DNAI3: variants seen among roughly 807,000 people sequenced by gnomAD.
DNAI3 encodes the protein dynein axonemal intermediate chain 3.
A neutral mutation model predicts 115.5 loss-of-function variants in DNAI3; 83 were observed. The ratio of observed to expected loss-of-function variants is 0.72; its 90% CI spans 0.60 to 0.86. The LOEUF (loss-of-function observed/expected upper bound fraction) is 0.86. Among genes scored for constraint, DNAI3 ranks in the 40% least tolerant of loss-of-function variants. DNAI3 has a pLI of 0.00. For synonymous variants in DNAI3, 320 were observed against 347.0 expected, an observed-to-expected ratio of 0.92 and a Z score of 0.86; for missense variants, 1,004 against 1,075.8, an observed-to-expected ratio of 0.93 and a Z score of 0.93.
Position 85,104,542 on chromosome 1 carries a change from G to T in DNAI3, c.1498G>T (p.Val500Phe). ...AAAATAGATTAACAGAATGGGCTCC[G>T]TCTTTGAGAATCGAAGTGGAATATG... is the stretch of plus-strand genomic sequence containing the variant. ...DTFEINRMGSVFENRSGICCQ... is the reference protein window; with the variant it reads ...DTFEINRMGSFFENRSGICCQ... The change falls in exon 14 of 23, where the codon GTC becomes TTC. Residue 500 changes from valine (V) to phenylalanine (F), a missense_variant. Physicochemically the swap from Val to Phe is conservative, Grantham distance 50 (BLOSUM62 -1). This residue lies in a region of DNAI3 where 25 missense variants were observed against 53.4 expected (regional missense o/e 0.47). Transcript: ENST00000294664. 1 of 1,613,794 alleles carries T rather than the reference G, an allele frequency of 6.2e-7. No individual in the cohort carries two copies. The highest frequency in any genetic ancestry group is 1.1e-5 in the South Asian group (1 of 91,036).
intron 3 of DNAI3, among the ~76,000 whole-genome samples, chr1:85,074,175 T>C (rs1258678661): frequency 2.0e-5 from 3 of 152,190 alleles, no homozygotes; most frequent in Non-Finnish European, 2.9e-5. Flanking sequence ...TCTTCCCACC[T>C]GCAACCTTAG....
chr1:85,081,028 T>C (rs1654619165), intron 3 of DNAI3, among the ~76,000 whole-genome samples: 1 of 152,186 alleles, frequency 6.6e-6, no homozygotes. Flanking sequence ...GGTAGTATTA[T>C]GGGCCATTGT....
In DNAI3 at chr1:85,080,073, A is replaced by G. The variant is rs1223537987; in HGVS notation, c.104-1161A>G. ...TTTTTTTTTTTTTTTTTTTTTTGAG[A>G]CAGAGTCTCCCTCTGTTGTCCAGGC... On this transcript the variant is annotated intron_variant, in intron 3 of 22. Transcript: ENST00000294664. Among the ~76,000 whole-genome samples, 5 of 104,068 alleles carry G rather than the reference A, an allele frequency of 4.8e-5. No individual in the cohort carries two copies. The Admixed American group carries it at 6.8e-4, about 14-fold the overall frequency. The allele number at this position is 104,068 out of a possible 152,430, so 68.3% of individuals were successfully genotyped here.
chr1:85,100,696 C>CA (rs1386665289), intron 13 of DNAI3, among the ~76,000 whole-genome samples: 1 of 152,168 alleles, frequency 6.6e-6, no homozygotes, highest in Non-Finnish European at 1.5e-5. Flanking sequence ...CGGCACTATT[C>CA]ACAATAGCAA....
chr1:85,081,200 A>G (rs376295922), intron 3 of DNAI3, 34 bp from the exon 4 acceptor site: 14 of 1,512,640 alleles, frequency 9.3e-6, no homozygotes, highest in Middle Eastern at 1.9e-4. Context: ...AAGTGGTCAT[A>G]TTTAATGTCC....
At position 85,094,601 on chromosome 1, in the gene DNAI3, C is replaced by T. The variant is rs547996501; in HGVS notation, c.1173+46C>T. On this transcript the variant is annotated intron_variant, in intron 10 of 22. Transcript: ENST00000294664. The stretch of plus-strand genomic sequence containing the variant: ...ACATAGCCTAAATTTTCAAATACTA[C>T]TTTCATGTATACCTTTAGCAGTTTT... The T allele has an allele frequency of 5.6e-5, 89 of 1,603,022 alleles. No homozygotes were observed. In the African/African-American group the frequency reaches 9.7e-4, roughly 17 times the overall value.
At chr1:85,111,884 T>C (rs1185779313) in intron 16 of DNAI3, among the ~76,000 whole-genome samples, 1 of 152,114 alleles carries the variant, frequency 6.6e-6, no homozygotes, top group Non-Finnish European at 1.5e-5. Context: ...ATCAACATAA[T>C]CAAGATAATG....
intron 16 of DNAI3, among the ~76,000 whole-genome samples, chr1:85,113,257 C>G (rs1465434730): frequency 6.6e-6 from 1 of 152,040 alleles, no homozygotes; most frequent in Non-Finnish European, 1.5e-5. Flanking sequence ...TCAATTTATT[C>G]TTTTGTGGAT....
intron 16 of DNAI3, among the ~76,000 whole-genome samples, chr1:85,114,888 C>T (rs1655772031): frequency 1.3e-5 from 2 of 152,168 alleles, no homozygotes; most frequent in South Asian, 2.1e-4. Flanking sequence ...CCTTTGTCTG[C>T]CATTTTAGGT....
chr1:85,119,235 G>T (rs746341856), intron 17 of DNAI3, among the ~76,000 whole-genome samples: 8 of 152,114 alleles, frequency 5.3e-5, no homozygotes, highest in Non-Finnish European at 7.4e-5. Context: ...ATAATCTGTT[G>T]GAAAAGTACA....
chr1:85,093,639 A>G lies in DNAI3; in HGVS notation c.1039A>G (p.Thr347Ala), dbSNP rs749887822. Residue 347 changes from threonine to alanine, a missense_variant, in exon 9 of 23, where the codon ACT (threonine) becomes GCT (alanine). Physicochemically the swap from Thr to Ala is moderately conservative, Grantham distance 58 (BLOSUM62 0). Transcript: ENST00000294664. ...GATTACCTGTGTCTCATGGCATCCA[A>G]CTATCTATGGTGAGATGGAAATGAT... ...KMITCVSWHP[T>A]IYGLIAVSVA... is the part of the protein sequence containing the mutation. The G allele has an allele frequency of 3.1e-6, 5 of 1,614,014 alleles. No individual in the cohort carries two copies. The African/African-American group carries it at 5.3e-5, about 17-fold the overall frequency.
At position 85,095,964 on chromosome 1, in the gene DNAI3, T is replaced by TCGG; in HGVS notation, c.1207_1208insCGG (p.Phe403delinsSerVal). 6.2e-7 allele frequency: 1 copy of TCGG among 1,613,900 alleles called. No individual in the cohort carries two copies. Among genetic ancestry groups the TCGG allele is most frequent in the Non-Finnish European group, 8.5e-7 (1 of 1,179,792 alleles). ...GGAGAGCCCAGATGACATCTTCTGCTTCAAGTTCTGTCCGAGTGATCCTAA... is the reference window on the plus strand; with the variant it reads ...GGAGAGCCCAGATGACATCTTCTGCTCGGTCAAGTTCTGTCCGAGTGATCCTAA... On this transcript the variant is annotated protein_altering_variant, in exon 11 of 23. Coordinates refer to ENST00000294664, the MANE Select transcript of DNAI3 (RefSeq NM_145172.5).
intron 21 of DNAI3, 98 bp from the exon 22 acceptor site, chr1:85,129,892 T>C: frequency 7.3e-7 from 1 of 1,377,608 alleles, no homozygotes; most frequent in South Asian, 1.7e-5. Flanking sequence ...AGGTAGGTCG[T>C]CTACCTAATT....
intron 9 of DNAI3, 147 bp downstream of exon 9, chr1:85,093,795 C>T (rs924229540): frequency 6.1e-5 from 55 of 901,770 alleles, no homozygotes; most frequent in East Asian, 1.6e-4. Context: ...GTGCTTTCCA[C>T]GCCCTCACTG....
intron 3 of DNAI3, among the ~76,000 whole-genome samples, chr1:85,080,187 G>A (rs1476857638): frequency 6.6e-6 from 1 of 151,454 alleles, no homozygotes; most frequent in Non-Finnish European, 1.5e-5. Context: ...GAGTAGCTGG[G>A]ACTACAGGCG....
At chr1:85,075,858 A>C (rs1654435575) in intron 3 of DNAI3, among the ~76,000 whole-genome samples, 1 of 152,222 alleles carries the variant, frequency 6.6e-6, no homozygotes. Context: ...CGAATGTTAA[A>C]TAATTTACCC....
intron 20 of DNAI3, among the ~76,000 whole-genome samples, chr1:85,128,125 C>CAA (rs11344833): frequency 0.012 from 798 of 63,914 alleles, 1 homozygote; most frequent in African/African-American, 0.013. Flanking sequence ...GACCCTGTCT[C>CAA]AAAAAAAAAA....
chr1:85,107,052 A>C (rs914790490), intron 14 of DNAI3, among the ~76,000 whole-genome samples: 1 of 152,230 alleles, frequency 6.6e-6, no homozygotes, highest in Non-Finnish European at 1.5e-5. Context: ...TACCCACTAC[A>C]ATGGCTATAA....
chr1:85,093,623 T>C lies in DNAI3; in HGVS notation c.1023T>C (p.Cys341=). Residue 341 remains cysteine (C), a synonymous_variant, in exon 9 of 23, where the codon TGT becomes TGC. Transcript: ENST00000294664. ...LHSPTEKMIT[C]VSWHPTIYGL... is the part of the protein sequence containing the mutation. ...GCCCAACGGAGAAAATGATTACCTGTGTCTCATGGCATCCAACTATCTATG... is the reference window on the plus strand; with the variant it reads ...GCCCAACGGAGAAAATGATTACCTGCGTCTCATGGCATCCAACTATCTATG... The C allele has an allele frequency of 6.2e-7, 1 of 1,614,106 alleles. No homozygotes were observed. Among genetic ancestry groups the C allele is most frequent in the East Asian group, 2.2e-5 (1 of 44,870 alleles).
Sources: allele counts gnomAD v4.1 joint callset (sites outside exome capture counted in the v4.1 genomes callset), GRCh38; gene constraint gnomAD v4.1.1; regional missense constraint gnomAD v4.1.1; transcripts MANE v1.5; gene names NCBI Gene and HGNC (gene_info 2026-07-23, HGNC 2026-07-21).